The following TMCC3 variants were observed in gnomAD, a reference collection of about 807,000 sequenced individuals.
The protein encoded by TMCC3 is transmembrane and coiled-coil domain family 3.
In TMCC3, 28 loss-of-function variants were observed where a neutral mutation model predicts 40.2. The ratio of observed to expected loss-of-function variants is 0.70; its 90% CI spans 0.52 to 0.95. TMCC3 has a LOEUF of 0.95. Among genes scored for constraint, TMCC3 ranks in the 40% least tolerant of loss-of-function variants. TMCC3 has a pLI of 0.00. For missense variants in TMCC3, 554 were observed against 615.2 expected (o/e 0.90, Z 1.05); for synonymous variants, 255 against 248.5 (o/e 1.03, Z -0.25).
chr12:94,629,093 T>C (rs1460761734), intron 1 of TMCC3, among the ~76,000 whole-genome samples: 1 of 152,206 alleles, frequency 6.6e-6, no homozygotes, highest in African/African-American at 2.4e-5. Flanking sequence ...AACCTAGCTA[T>C]GACGCTCATG....
At chr12:94,583,186 TAA>T (rs1303770227) in intron 1 of TMCC3, among the ~76,000 whole-genome samples, 4 of 125,910 alleles carry the variant, frequency 3.2e-5, no homozygotes, top group Non-Finnish European at 3.4e-5. Flanking sequence ...ACAGTGATAT[TAA>T]AAAAAAAAAA....
rs869058316 is a variant in TMCC3, at chr12:94,592,661, C to CAAAAAAAAAAAAAAAAAAAAAAAA, written c.79-10124_79-10123insTTTTTTTTTTTTTTTTTTTTTTTT. ...TGAGCCTGGACAACAGGCTCCATCT[C>CAAAAAAAAAAAAAAAAAAAAAAAA]AAAAAAAAAAAAAAAAAAAAAATTC... is the stretch of plus-strand genomic sequence containing the variant. On this transcript the variant is annotated intron_variant, in intron 1 of 3. Transcript: ENST00000261226. Among the ~76,000 whole-genome samples the CAAAAAAAAAAAAAAAAAAAAAAAA allele has an allele frequency of 8.0e-3, 221 of 27,462 alleles. 44 individuals are homozygous for CAAAAAAAAAAAAAAAAAAAAAAAA. Among genetic ancestry groups the CAAAAAAAAAAAAAAAAAAAAAAAA allele is most frequent in the East Asian group, 0.011 (11 of 1,020 alleles). The allele number at this position is 27,462 out of a possible 152,430, so 18.0% of individuals were successfully genotyped here. A position where few individuals can be genotyped will look rare whatever the true frequency, so the allele number is the denominator to read the frequency against.
intron 1 of TMCC3, among the ~76,000 whole-genome samples, chr12:94,643,897 G>T (rs1358996169): frequency 1.3e-5 from 2 of 152,208 alleles, no homozygotes; most frequent in Non-Finnish European, 2.9e-5. Flanking sequence ...ATAGCCACAA[G>T]ATCTTAGAGA....
intron 1 of TMCC3, among the ~76,000 whole-genome samples, chr12:94,648,838 A>T (rs1230966578): frequency 6.6e-6 from 1 of 152,250 alleles, no homozygotes; most frequent in Non-Finnish European, 1.5e-5. Context: ...AGTTGTGACA[A>T]GAAAAAACAA....
At chr12:94,625,882 T>A (rs2068901960) in intron 1 of TMCC3, among the ~76,000 whole-genome samples, 2 of 152,208 alleles carry the variant, frequency 1.3e-5, no homozygotes, top group South Asian at 4.1e-4. Flanking sequence ...GTTTGAGATT[T>A]TCATAATAAA....
At chr12:94,579,079 A>G (rs1271420917) in intron 2 of TMCC3, among the ~76,000 whole-genome samples, 1 of 152,266 alleles carries the variant, frequency 6.6e-6, no homozygotes, top group Non-Finnish European at 1.5e-5. Flanking sequence ...AACTGACAAT[A>G]CAAAATTAAG....
intron 1 of TMCC3, among the ~76,000 whole-genome samples, chr12:94,638,185 T>C (rs2068971141): frequency 2.0e-5 from 3 of 152,214 alleles, no homozygotes; most frequent in South Asian, 4.1e-4. Context: ...AAGAGTGATC[T>C]AGCTGGAGAA....
At chr12:94,602,683 C>T (rs369306956) in intron 1 of TMCC3, among the ~76,000 whole-genome samples, 4 of 152,078 alleles carry the variant, frequency 2.6e-5, no homozygotes, top group African/African-American at 9.7e-5. Flanking sequence ...CTTCCAACTC[C>T]GGGGCTCCAG....
intron 1 of TMCC3, among the ~76,000 whole-genome samples, chr12:94,605,663 C>A (rs868088805): frequency 6.6e-6 from 1 of 152,200 alleles, no homozygotes; most frequent in Non-Finnish European, 1.5e-5. Context: ...AGGCTCAATA[C>A]TATTCAAACT....
At chr12:94,610,471 G>C (rs1262530136) in intron 1 of TMCC3, among the ~76,000 whole-genome samples, 1 of 151,282 alleles carries the variant, frequency 6.6e-6, no homozygotes, top group Admixed American at 6.6e-5. Flanking sequence ...ATAAAGAACA[G>C]AAATGGAGAT....
intron 1 of TMCC3, among the ~76,000 whole-genome samples, chr12:94,604,083 T>C (rs1189160783): frequency 6.6e-6 from 1 of 152,240 alleles, no homozygotes; most frequent in Non-Finnish European, 1.5e-5. Context: ...CGTGTACTAC[T>C]AGCAAGGCAT....
At chr12:94,591,135 T>C (rs982083077) in intron 1 of TMCC3, 7 of 421,064 alleles carry the variant, frequency 1.7e-5, no homozygotes, top group Non-Finnish European at 2.8e-5. Context: ...TGAAACAATT[T>C]GTCCTGTATG....
rs372813970 is a variant in TMCC3, at chr12:94,575,517, A to G, written c.1131+2877T>C. On this transcript the variant is annotated intron_variant, in intron 3 of 3. Coordinates refer to ENST00000261226, the MANE Select transcript of TMCC3 (RefSeq NM_020698.4). The stretch of plus-strand genomic sequence containing the variant: ...GGGCCAGGATTCTAACCAACGTGAC[A>G]GGGAAGACACTCCAGTCATTCACAC... Among the ~76,000 whole-genome samples, 41 of 152,344 alleles carry G rather than the reference A, an allele frequency of 2.7e-4. No individual in the cohort carries two copies. The East Asian group carries it at 7.3e-3, about 27-fold the overall frequency.
At chr12:94,614,153 T>C (rs2068834099) in intron 1 of TMCC3, among the ~76,000 whole-genome samples, 1 of 151,034 alleles carries the variant, frequency 6.6e-6, no homozygotes, top group Non-Finnish European at 1.5e-5. Context: ...AAAATGTGTG[T>C]GTGTGTTTGC....
At chr12:94,644,459 GGTAGCAGCT>G in intron 1 of TMCC3, 1 of 985,146 alleles carries the variant, frequency 1.0e-6, no homozygotes, top group Non-Finnish European at 1.2e-6. Flanking sequence ...GATCCAACTT[GGTAGCAGCT>G]GTCTTGGTGA....
At chr12:94,623,983 GC>G (rs1426274038) in intron 1 of TMCC3, among the ~76,000 whole-genome samples, 1 of 152,240 alleles carries the variant, frequency 6.6e-6, no homozygotes, top group Non-Finnish European at 1.5e-5. Context: ...AATTATACCA[GC>G]CTCTCAGCTA....
intron 1 of TMCC3, among the ~76,000 whole-genome samples, chr12:94,631,170 C>T (rs560041449): frequency 2.0e-5 from 3 of 152,166 alleles, no homozygotes; most frequent in East Asian, 1.9e-4. Context: ...TCTTTTTAAA[C>T]GGTTTTCTGC....
At chr12:94,574,337 G>A (rs567493672) in intron 3 of TMCC3, among the ~76,000 whole-genome samples, 2 of 151,170 alleles carry the variant, frequency 1.3e-5, no homozygotes, top group African/African-American at 2.4e-5. Context: ...GCAGTGAGCC[G>A]AGATCACGCC....
intron 1 of TMCC3, among the ~76,000 whole-genome samples, chr12:94,605,643 T>C (rs191657646): frequency 6.6e-6 from 1 of 152,258 alleles, no homozygotes; most frequent in Admixed American, 6.5e-5. Context: ...TCCACTCATC[T>C]CTCTTCTACA....
Sources: allele counts gnomAD v4.1 joint callset (sites outside exome capture counted in the v4.1 genomes callset), GRCh38; gene constraint gnomAD v4.1.1; transcripts MANE v1.5; gene names NCBI Gene and HGNC (gene_info 2026-07-23, HGNC 2026-07-21).